The following BCL2 variants were observed in gnomAD, a reference collection of about 807,000 sequenced individuals.
BCL2 encodes the protein BCL2 apoptosis regulator.
In BCL2, 1 loss-of-function variant was observed where a neutral mutation model predicts 14.2. The ratio of observed to expected loss-of-function variants is 0.07; its 90% CI spans 0.02 to 0.33. The LOEUF is 0.33. BCL2 is among the 10% of genes least tolerant of loss of function. The probability of loss-of-function intolerance (pLI) is 0.99; values close to 1 mark genes in which losing one functional copy is unlikely to be tolerated. For missense variants in BCL2, 247 were observed against 305.9 expected (o/e 0.81, Z 1.44); for synonymous variants, 151 against 137.2 (o/e 1.10, Z -0.70).
chr18:63,162,311 C>T (rs943414810), intron 2 of BCL2, among the ~76,000 whole-genome samples: 1 of 152,152 alleles, frequency 6.6e-6, no homozygotes, highest in East Asian at 1.9e-4. Flanking sequence ...GAAATTTAGA[C>T]CTCATGAAAC....
intron 2 of BCL2, among the ~76,000 whole-genome samples, chr18:63,294,240 C>T (rs915236319): frequency 5.3e-5 from 8 of 151,810 alleles, no homozygotes; most frequent in Admixed American, 6.6e-5. Flanking sequence ...TATAATGAGG[C>T]GGAAGAGGTG....
chr18:63,153,137 T>A (rs1247982168), intron 2 of BCL2, among the ~76,000 whole-genome samples: 1 of 152,220 alleles, frequency 6.6e-6, no homozygotes, highest in African/African-American at 2.4e-5. Context: ...ATTACTAGAT[T>A]CGTCAATGAG....
intron 2 of BCL2, among the ~76,000 whole-genome samples, chr18:63,225,994 G>GC (rs1568239655): frequency 6.6e-6 from 1 of 152,108 alleles, no homozygotes; most frequent in Non-Finnish European, 1.5e-5. Flanking sequence ...AAATGAGGTC[G>GC]CACAAACAAA....
intron 2 of BCL2, among the ~76,000 whole-genome samples, chr18:63,245,852 ACTGC>A: frequency 1.3e-5 from 2 of 152,234 alleles, no homozygotes; most frequent in Non-Finnish European, 2.9e-5. Context: ...TGAGAAAGTT[ACTGC>A]CTATAAGGCA....
intron 2 of BCL2, chr18:63,314,130 GA>G (rs1348117392): frequency 6.6e-6 from 1 of 152,156 alleles, no homozygotes; most frequent in Non-Finnish European, 1.5e-5. Context: ...ATAAATTATT[GA>G]AAGGGGTCAT....
At chr18:63,257,525 T>C (rs1599273881) in intron 2 of BCL2, among the ~76,000 whole-genome samples, 1 of 152,358 alleles carries the variant, frequency 6.6e-6, no homozygotes, top group Middle Eastern at 3.4e-3. Flanking sequence ...ACACTGTTTA[T>C]TGGTTTTCAA....
rs377320618 is a variant in BCL2, at chr18:63,243,028, C to T, written c.585+75054G>A. Reference sequence around the variant, plus strand: ...ATTGGGTAAGGTATGTTCTTCAAGGCGAAAATCACTGAATATGAAGTGCAA... The same window carrying T: ...ATTGGGTAAGGTATGTTCTTCAAGGTGAAAATCACTGAATATGAAGTGCAA... On this transcript the variant is annotated intron_variant, in intron 2 of 2. Transcript: ENST00000333681. 3.9e-5 allele frequency among the ~76,000 whole-genome samples: 6 copies of T among 152,116 alleles called. No individual in the cohort carries two copies. In the East Asian group the frequency reaches 9.7e-4, roughly 25 times the overall value.
chr18:63,138,560 G>A (rs1011277243), intron 2 of BCL2, among the ~76,000 whole-genome samples: 1 of 152,214 alleles, frequency 6.6e-6, no homozygotes, highest in Non-Finnish European at 1.5e-5. Flanking sequence ...GAAGAGGCAC[G>A]GGAGCGTGAG....
At chr18:63,135,570 A>G (rs1282493015) in intron 2 of BCL2, among the ~76,000 whole-genome samples, 1 of 152,158 alleles carries the variant, frequency 6.6e-6, no homozygotes, top group Non-Finnish European at 1.5e-5. Context: ...ATCATTGGGC[A>G]AGAATTACCA....
At chr18:63,145,433 C>T (rs1279241498) in intron 2 of BCL2, among the ~76,000 whole-genome samples, 2 of 150,666 alleles carry the variant, frequency 1.3e-5, no homozygotes. Context: ...GCCCCACTGC[C>T]CCGTCACCTG....
intron 2 of BCL2, among the ~76,000 whole-genome samples, chr18:63,292,839 G>A (rs1233438135): frequency 6.6e-6 from 1 of 152,214 alleles, no homozygotes; most frequent in African/African-American, 2.4e-5. Context: ...ATTAGGGAAG[G>A]AGCTCAGGAG....
intron 2 of BCL2, among the ~76,000 whole-genome samples, chr18:63,180,270 C>CAAG (rs2144640773): frequency 6.6e-6 from 1 of 152,358 alleles, no homozygotes; most frequent in African/African-American, 2.4e-5. Context: ...AATCAGACAC[C>CAAG]AGCTCCCTAG....
At chr18:63,294,555 A>G (rs1168573891) in intron 2 of BCL2, among the ~76,000 whole-genome samples, 1 of 152,112 alleles carries the variant, frequency 6.6e-6, no homozygotes, top group African/African-American at 2.4e-5. Flanking sequence ...CTGTAGTTCC[A>G]GCTACTCAGG....
At chr18:63,223,420 G>T (rs1050871812) in intron 2 of BCL2, among the ~76,000 whole-genome samples, 3 of 149,802 alleles carry the variant, frequency 2.0e-5, no homozygotes, top group African/African-American at 7.4e-5. Context: ...AATAAATAAA[G>T]AAGAATGTGA....
intron 2 of BCL2, among the ~76,000 whole-genome samples, chr18:63,291,728 T>TC (rs1225107354): frequency 2.0e-5 from 3 of 149,126 alleles, no homozygotes; most frequent in African/African-American, 7.4e-5. Flanking sequence ...GAGTATTTCT[T>TC]TTTTTTTTTT....
intron 2 of BCL2, among the ~76,000 whole-genome samples, chr18:63,134,320 A>G (rs1399404639): frequency 6.6e-6 from 1 of 152,264 alleles, no homozygotes; most frequent in Non-Finnish European, 1.5e-5. Context: ...TCCAGACTCC[A>G]TAATTTGACA....
chr18:63,189,561 T>C (rs1284859438), intron 2 of BCL2, among the ~76,000 whole-genome samples: 1 of 152,148 alleles, frequency 6.6e-6, no homozygotes, highest in Non-Finnish European at 1.5e-5. Context: ...AGTCATCTTG[T>C]ATGTACTGAA....
intron 2 of BCL2, among the ~76,000 whole-genome samples, chr18:63,301,536 C>T (rs1164124809): frequency 1.3e-5 from 2 of 152,216 alleles, no homozygotes; most frequent in Non-Finnish European, 2.9e-5. Context: ...TACTTCATGA[C>T]ATCCCTCTGC....
chr18:63,141,734 C>G (rs1005377494), intron 2 of BCL2, among the ~76,000 whole-genome samples: 5 of 152,254 alleles, frequency 3.3e-5, no homozygotes, highest in African/African-American at 1.2e-4. Context: ...ACATGTGGCT[C>G]TCCTCCCCAC....
Sources: allele counts gnomAD v4.1 joint callset (sites outside exome capture counted in the v4.1 genomes callset), GRCh38; gene constraint gnomAD v4.1.1; transcripts MANE v1.5; gene names NCBI Gene and HGNC (gene_info 2026-07-23, HGNC 2026-07-21).